KIFBP: variants seen among roughly 807,000 people sequenced by gnomAD.
The protein encoded by KIFBP is kinesin family binding protein.
KIFBP carries 46 observed loss-of-function variants against 58.9 expected under a neutral mutation model. The observed-to-expected ratio is 0.78, with a 90% CI of 0.62 to 1.00. The LOEUF (loss-of-function observed/expected upper bound fraction) is 1.00, where lower values mean the gene tolerates loss of function less well. Among genes scored for constraint, KIFBP ranks in the 50% least tolerant of loss-of-function variants. The pLI is 0.00. For synonymous variants in KIFBP, 241 were observed against 283.4 expected (o/e 0.85, Z 1.50); for missense variants, 651 against 752.9 (o/e 0.86, Z 1.58).
intron 1 of KIFBP, among the ~76,000 whole-genome samples, chr10:68,997,794 C>T (rs1843422423): frequency 6.6e-6 from 1 of 152,110 alleles, no homozygotes; most frequent in African/African-American, 2.4e-5. Flanking sequence ...CCAGTAAGCC[C>T]CACTGCAGCA....
intron 1 of KIFBP, among the ~76,000 whole-genome samples, chr10:68,990,950 G>A (rs1843337356): frequency 6.6e-6 from 1 of 151,742 alleles, no homozygotes; most frequent in Admixed American, 6.6e-5. Context: ...GAAGAGGGAG[G>A]AAGAAGACTA....
intron 2 of KIFBP, among the ~76,000 whole-genome samples, chr10:69,002,095 G>T (rs10762250): frequency 0.18 from 27,665 of 151,880 alleles, 3,155 homozygotes; most frequent in East Asian, 0.54. Flanking sequence ...GAGCCCAGGA[G>T]TTTGAGGTTG....
intron 1 of KIFBP, among the ~76,000 whole-genome samples, chr10:68,996,157 CA>C (rs35440783): frequency 0.51 from 72,723 of 143,308 alleles, 17,844 homozygotes; most frequent in Middle Eastern, 0.59. Context: ...GACTCTATCT[CA>C]AAAAAAAAAA....
chr10:68,990,872 C>T (rs1481305542), intron 1 of KIFBP, among the ~76,000 whole-genome samples: 2 of 152,050 alleles, frequency 1.3e-5, no homozygotes, highest in Non-Finnish European at 2.9e-5. Flanking sequence ...AATTCCGTTA[C>T]ATCCAAACAG....
At chr10:68,991,694 C>A (rs1039352872) in intron 1 of KIFBP, 4 of 169,618 alleles carry the variant, frequency 2.4e-5, no homozygotes, top group African/African-American at 7.2e-5. Context: ...AGGCTGTGGG[C>A]CTGAGAGTGG....
At chr10:69,012,069 C>T (rs1436283041) in intron 6 of KIFBP, among the ~76,000 whole-genome samples, 1 of 152,082 alleles carries the variant, frequency 6.6e-6, no homozygotes, top group African/African-American at 2.4e-5. Context: ...AAAGGGTAGA[C>T]TTTTAAGAAA....
Position 69,015,995 on chromosome 10 carries a change from A to G in KIFBP, c.1445A>G (p.Tyr482Cys). ...CAGTTTGAAATTGCACATGCTTACTATGATATGATGGATTTGAAGGTTGCC... is the reference window on the plus strand; with the variant it reads ...CAGTTTGAAATTGCACATGCTTACTGTGATATGATGGATTTGAAGGTTGCC... The part of the protein sequence containing the change: ...QIQFEIAHAY[Y>C]DMMDLKVAIA... The change falls in exon 7 of 7, where the codon TAT (tyrosine) becomes TGT (cysteine). Residue 482 changes from tyrosine to cysteine, a missense_variant. By Grantham distance (194) the Tyr-to-Cys change is radical. Transcript: ENST00000361983. 2.5e-6 allele frequency: 4 copies of G among 1,614,142 alleles called. No homozygotes were observed. Among genetic ancestry groups the G allele is most frequent in the Non-Finnish European group, 3.4e-6 (4 of 1,180,006 alleles).
chr10:68,999,679 C>A lies in KIFBP; in HGVS notation c.427-745C>A, dbSNP rs565895772. On this transcript the variant is annotated intron_variant, in intron 1 of 6. Transcript: ENST00000361983. ...TGACTGAGGGCCTCAGACTGTTGAC[C>A]TCTCTCATTTCCTTTCCATATGGGC... 2.0e-5 allele frequency: 3 copies of A among 152,338 alleles called. No individual in the cohort carries two copies. The South Asian group carries it at 6.2e-4, about 32-fold the overall frequency. The allele number at this position is 152,338 out of a possible 1,614,324, so 9.4% of individuals were successfully genotyped here.
rs775901325 is a variant in KIFBP, at chr10:69,008,941, C to T, written c.874+16C>T. On this transcript the variant is annotated intron_variant, in intron 5 of 6. Coordinates refer to ENST00000361983, the MANE Select transcript of KIFBP (RefSeq NM_015634.4). Reference sequence around the variant, plus strand: ...ACAGAAGACAGTAAGTTTACCTTTGCATGTTTTACATAGCTTTTAAAAAAA... The same window carrying T: ...ACAGAAGACAGTAAGTTTACCTTTGTATGTTTTACATAGCTTTTAAAAAAA... 32 of 1,577,212 alleles carry T rather than the reference C, an allele frequency of 2.0e-5. No homozygotes were observed. Among genetic ancestry groups the T allele is most frequent in the Admixed American group, 5.0e-5 (3 of 59,894 alleles).
At chr10:68,999,911 T>C (rs1039801470) in intron 1 of KIFBP, 14 of 160,394 alleles carry the variant, frequency 8.7e-5, no homozygotes, top group African/African-American at 3.4e-4. Flanking sequence ...CGGGCGTGAT[T>C]GCGGGCGCCT....
intron 1 of KIFBP, among the ~76,000 whole-genome samples, chr10:68,992,164 T>C (rs1357311326): frequency 6.6e-6 from 1 of 152,104 alleles, no homozygotes. Context: ...CAGCTAATTT[T>C]TGTATTTTTA....
intron 6 of KIFBP, chr10:69,015,298 G>A (rs1838982216): frequency 2.2e-6 from 1 of 459,710 alleles, no homozygotes; most frequent in Non-Finnish European, 3.9e-6. Flanking sequence ...CAGTTCCTCA[G>A]AATAAATGAT....
At chr10:68,998,040 A>G (rs1277553022) in intron 1 of KIFBP, among the ~76,000 whole-genome samples, 1 of 151,948 alleles carries the variant, frequency 6.6e-6, no homozygotes, top group African/African-American at 2.4e-5. Context: ...GAGCCAATTA[A>G]ACTTCTTTTC....
chr10:69,005,044 A>T lies in KIFBP; in HGVS notation c.526-2A>T. 1.2e-6 allele frequency: 2 copies of T among 1,609,904 alleles called. No individual in the cohort carries two copies. The highest frequency in any genetic ancestry group is 2.2e-5 in the East Asian group (1 of 44,826). Reference sequence around the variant, plus strand: ...AAGAGCTTTTGTTTTTCTTAATTGTAGGTTGGGAGTCCTCCTCTTGATCCT... The same window carrying T: ...AAGAGCTTTTGTTTTTCTTAATTGTTGGTTGGGAGTCCTCCTCTTGATCCT... On this transcript the variant is annotated splice_acceptor_variant, in intron 2 of 6. Transcript: ENST00000361983. LOFTEE classifies it high-confidence loss of function.
At position 69,015,790 on chromosome 10, in the gene KIFBP, G is replaced by C. The variant is rs754921517; in HGVS notation, c.1240G>C (p.Gly414Arg). Residue 414 changes from glycine (G) to arginine (R), a missense_variant, in exon 7 of 7, where the codon GGT (glycine) becomes CGT (arginine). By Grantham distance (125) the Gly-to-Arg change is moderately radical. Coordinates refer to ENST00000361983, the MANE Select transcript of KIFBP (RefSeq NM_015634.4). ...FEAKEFFQID[G>R]YVTDHIEVVQ... ...GGCAAAAGAGTTCTTTCAGATTGAT[G>C]GTTATGTCACTGACCATATTGAAGT... 4 of 1,614,058 alleles carry C rather than the reference G, an allele frequency of 2.5e-6. No homozygotes were observed. In the African/African-American group the frequency reaches 4.0e-5, roughly 16 times the overall value.
chr10:69,008,727 T>C, intron 4 of KIFBP, 114 bp from the exon 5 acceptor site: 1 of 828,488 alleles, frequency 1.2e-6, no homozygotes. Flanking sequence ...GCCTCCTTTG[T>C]AGTATTTTTA....
At chr10:68,999,320 ACTT>A (rs1843439472) in intron 1 of KIFBP, among the ~76,000 whole-genome samples, 1 of 150,486 alleles carries the variant, frequency 6.6e-6, no homozygotes, top group South Asian at 2.1e-4. Flanking sequence ...CCGGTCTTGA[ACTT>A]CTCGCCTCAA....
intron 1 of KIFBP, among the ~76,000 whole-genome samples, chr10:69,000,185 G>A (rs931330170): frequency 2.0e-5 from 3 of 152,108 alleles, no homozygotes; most frequent in African/African-American, 7.2e-5. Context: ...AAACCAGCCT[G>A]TACTCAAGGG....
intron 5 of KIFBP, among the ~76,000 whole-genome samples, chr10:69,010,520 A>G (rs1445919379): frequency 2.0e-5 from 3 of 152,246 alleles, no homozygotes; most frequent in Non-Finnish European, 4.4e-5. Flanking sequence ...CTCCACAACC[A>G]TCTGTTGTGT....
Sources: gnomAD v4.1 joint callset for allele counts (sites outside exome capture counted in the v4.1 genomes callset) on GRCh38, gnomAD v4.1.1 for gene constraint, MANE v1.5 for transcripts, NCBI Gene and HGNC (gene_info 2026-07-23, HGNC 2026-07-21) for gene names.